MYOM2: variants seen among roughly 807,000 people sequenced by gnomAD.
The protein encoded by MYOM2 is myomesin 2, also known as myomesin-2.
MYOM2 carries 254 observed loss-of-function variants against 187.6 expected under a neutral mutation model. The ratio of observed to expected loss-of-function variants is 1.35; its 90% CI spans 1.22 to 1.50. The LOEUF (loss-of-function observed/expected upper bound fraction) is 1.50. MYOM2 is among the 40% of genes most tolerant of loss of function. The probability of loss-of-function intolerance (pLI) is 0.00; values close to 1 mark genes in which losing one functional copy is unlikely to be tolerated. For synonymous variants in MYOM2, 981 were observed against 753.8 expected (o/e 1.30, Z -4.94); for missense variants, 2,796 against 1,924.0 (o/e 1.45, Z -8.48).
intron 25 of MYOM2, among the ~76,000 whole-genome samples, chr8:2,110,617 C>A (rs767215156): frequency 2.0e-5 from 3 of 152,160 alleles, no homozygotes; most frequent in Non-Finnish European, 2.9e-5. Flanking sequence ...CCTTAATGCC[C>A]AGTGTAGAGT....
At chr8:2,121,750 C>A (rs1314644237) in intron 28 of MYOM2, among the ~76,000 whole-genome samples, 9 of 152,148 alleles carry the variant, frequency 5.9e-5, no homozygotes, top group Non-Finnish European at 1.3e-4. Flanking sequence ...CAATCATAAA[C>A]ATAAGAAAAT....
chr8:2,133,516 A>G lies in MYOM2; in HGVS notation c.3800+4284A>G, dbSNP rs1032866354. Among the ~76,000 whole-genome samples, 4 of 152,322 alleles carry G rather than the reference A, an allele frequency of 2.6e-5. No individual in the cohort carries two copies. The East Asian group carries it at 7.7e-4, about 29-fold the overall frequency. On this transcript the variant is annotated intron_variant, in intron 32 of 36. Transcript: ENST00000262113. ...TGCTCTGTCACCCAGGCTGGAGTGC[A>G]GTGGCATGATCTTTGCTCACTGCAA...
intron 10 of MYOM2, among the ~76,000 whole-genome samples, chr8:2,075,733 T>A (rs1442926555): frequency 6.6e-6 from 1 of 152,198 alleles, no homozygotes. Context: ...ATCGCCCAAT[T>A]TCCTAAGGAT....
chr8:2,120,667 T>TAA (rs1417275868), intron 28 of MYOM2, among the ~76,000 whole-genome samples: 45 of 890 alleles, frequency 0.051, 1 homozygote, highest in African/African-American at 0.1. Context: ...TGTATATATA[T>TAA]ATATATATTA....
chr8:2,129,547 A>G (rs533232128), intron 32 of MYOM2, among the ~76,000 whole-genome samples: 18 of 152,318 alleles, frequency 1.2e-4, no homozygotes, highest in South Asian at 8.3e-4. Context: ...CTGAAGCAGA[A>G]CTAATAAATA....
rs550519349 is a variant in MYOM2, at chr8:2,053,112, A to G, written c.263+799A>G. 9.2e-5 allele frequency among the ~76,000 whole-genome samples: 14 copies of G among 152,268 alleles called. No homozygotes were observed. In the South Asian group the frequency reaches 1.2e-3, roughly 14 times the overall value. On this transcript the variant is annotated intron_variant, in intron 3 of 36. Coordinates refer to ENST00000262113, the MANE Select transcript of MYOM2 (RefSeq NM_003970.4). ...CCTGCTACTTCTGGGAATTTTCTCT[A>G]TATCTTCAAAGCATTTAAAACCTGA...
chr8:2,138,330 G>C (rs78199813), intron 32 of MYOM2, among the ~76,000 whole-genome samples: 7,521 of 152,256 alleles, frequency 0.049, 568 homozygotes, highest in African/African-American at 0.16. Context: ...CTGCTCCCCA[G>C]GCAGCCCATG....
chr8:2,124,291 G>C, intron 31 of MYOM2, 74 bp downstream of exon 31: 1 of 1,451,442 alleles, frequency 6.9e-7, no homozygotes, highest in Non-Finnish European at 9.6e-7. Context: ...GGAAGTCACT[G>C]CTGCAAAAGA....
rs183930677 is a variant in MYOM2 at position 2,066,872 on chromosome 8, G to A, written c.654-2406G>A. On this transcript the variant is annotated intron_variant, in intron 6 of 36. Coordinates refer to ENST00000262113, the MANE Select transcript of MYOM2 (RefSeq NM_003970.4). ...GGTGATCTGGAAATAGGACAGCAGC[G>A]TAGCTTCTAATGAGTTCAGGCTAGA... 3.2e-4 allele frequency among the ~76,000 whole-genome samples: 48 copies of A among 152,348 alleles called. 1 individual carries two copies. The highest frequency in any genetic ancestry group is 4.4e-4 in the Non-Finnish European group (30 of 68,034).
chr8:2,108,863 G>A, intron 24 of MYOM2, 33 bp downstream of exon 24: 1 of 1,610,298 alleles, frequency 6.2e-7, no homozygotes, highest in Non-Finnish European at 8.5e-7. Flanking sequence ...CCCTCTGCTT[G>A]CAGCTGCTGG....
rs183270759 is a variant in MYOM2, at chr8:2,047,424, G to A, written c.-13+2256G>A. Among the ~76,000 whole-genome samples, 32 of 139,148 alleles carry A rather than the reference G, an allele frequency of 2.3e-4. 1 individual carries two copies. The South Asian group carries it at 3.6e-3, about 16-fold the overall frequency. 91.3% of individuals were successfully genotyped at this position (139,148 alleles called of 152,430 possible). ...CAGTCCTGCTGGTTTTCTGGGTTGG[G>A]CATGTGATTGATAAAAGTGGAGTTG... On this transcript the variant is annotated intron_variant, in intron 1 of 36. Transcript: ENST00000262113.
At position 2,098,798 on chromosome 8, in the gene MYOM2, C is replaced by A. The variant is rs188646588; in HGVS notation, c.2314-59C>A. The A allele has an allele frequency of 3.3e-6, 5 of 1,523,814 alleles. No individual in the cohort carries two copies. In the African/African-American group the frequency reaches 5.5e-5, roughly 17 times the overall value. 94.4% of individuals were successfully genotyped at this position (1,523,814 alleles called of 1,614,324 possible). A position where few individuals can be genotyped will look rare whatever the true frequency, so the allele number is the denominator to read the frequency against. On this transcript the variant is annotated intron_variant, in intron 18 of 36. Coordinates refer to ENST00000262113, the MANE Select transcript of MYOM2 (RefSeq NM_003970.4). The stretch of plus-strand genomic sequence containing the variant: ...AAGCCAGTTATAACAACTCCTCCCC[C>A]TCAGTGGGCTGTAAGGCATCCTTTA...
chr8:2,078,564 C>G (rs763554965), intron 11 of MYOM2, among the ~76,000 whole-genome samples, 170 bp from the exon 12 acceptor site: 1 of 152,000 alleles, frequency 6.6e-6, no homozygotes, highest in Non-Finnish European at 1.5e-5. Flanking sequence ...CTAAATAGCT[C>G]TGTCTTCTAA....
intron 23 of MYOM2, among the ~76,000 whole-genome samples, chr8:2,108,492 C>T (rs575050569): frequency 2.6e-5 from 4 of 152,256 alleles, no homozygotes; most frequent in South Asian, 4.1e-4. Context: ...TTTAACCTTT[C>T]GTCTTCCAAG....
At chr8:2,108,212 C>T (rs1796955824) in intron 23 of MYOM2, among the ~76,000 whole-genome samples, 1 of 151,922 alleles carries the variant, frequency 6.6e-6, no homozygotes, top group African/African-American at 2.4e-5. Context: ...TTACCTTGCT[C>T]TTGAGACTTT....
Position 2,143,805 on chromosome 8 carries a change from T to C in MYOM2, c.4080+349T>C, listed in dbSNP as rs138708792. Among the ~76,000 whole-genome samples the C allele has an allele frequency of 4.7e-3, 714 of 152,198 alleles. 14 individuals are homozygous for C. Among genetic ancestry groups the C allele is most frequent in the East Asian group, 0.045 (231 of 5,176 alleles). On this transcript the variant is annotated intron_variant, in intron 36 of 36. Coordinates refer to ENST00000262113, the MANE Select transcript of MYOM2 (RefSeq NM_003970.4). ...CAACTGCAGGATGAGGCAGCCACAC[T>C]CGCCCTGACCTACCTGCGTGTGTGA... is the stretch of plus-strand genomic sequence containing the variant.
chr8:2,086,308 C>A (rs1158354568), intron 14 of MYOM2, among the ~76,000 whole-genome samples: 12 of 86,818 alleles, frequency 1.4e-4, no homozygotes, highest in African/African-American at 4.3e-4. Flanking sequence ...GCGTGGCCCC[C>A]CACAGTCGTG....
At chr8:2,110,077 C>T (rs1797018403) in intron 25 of MYOM2, among the ~76,000 whole-genome samples, 1 of 152,198 alleles carries the variant, frequency 6.6e-6, no homozygotes, top group African/African-American at 2.4e-5. Context: ...AATCTCCTCA[C>T]TTTGGGAGGC....
At chr8:2,143,493 G>C (rs777297015) in intron 36 of MYOM2, 37 bp downstream of exon 36, 1 of 1,612,766 alleles carries the variant, frequency 6.2e-7, no homozygotes, top group Non-Finnish European at 8.5e-7. Context: ...GGGGGTGTCA[G>C]CACGGTGCGA....
Sources: allele counts gnomAD v4.1 joint callset (sites outside exome capture counted in the v4.1 genomes callset), GRCh38; gene constraint gnomAD v4.1.1; transcripts MANE v1.5; gene names NCBI Gene and HGNC (gene_info 2026-07-23, HGNC 2026-07-21).